OLFML3: variants seen among roughly 807,000 people sequenced by gnomAD.
OLFML3 encodes the protein olfactomedin like 3, also known as olfactomedin-like protein 3.
OLFML3 carries 26 observed loss-of-function variants against 36.0 expected under a neutral mutation model. The observed-to-expected ratio is 0.72, with a 90% CI of 0.53 to 1.00. OLFML3 has a LOEUF of 1.00. OLFML3 is among the 50% of genes least tolerant of loss of function. The pLI, the probability that OLFML3 is intolerant of heterozygous loss-of-function variation, is 0.00. For missense variants in OLFML3, 503 were observed against 519.4 expected, an observed-to-expected ratio of 0.97 and a Z score of 0.31; for synonymous variants, 184 against 201.2, an observed-to-expected ratio of 0.91 and a Z score of 0.72.
rs1469769110 is a variant in OLFML3, at chr1:113,982,237, A to G, written c.*468A>G. The stretch of plus-strand genomic sequence containing the variant: ...TTTGTATTGCAACATTTTGCATTAA[A>G]AGGAAAATCCACTGCTCCTCTCCTG... On this transcript the variant is annotated 3_prime_UTR_variant, in exon 3 of 3. Transcript: ENST00000320334. The G allele has an allele frequency of 1.1e-5, 2 of 183,398 alleles. No individual in the cohort carries two copies. Among genetic ancestry groups the G allele is most frequent in the African/African-American group, 4.8e-5 (2 of 41,634 alleles). The allele number at this position is 183,398 out of a possible 1,614,324, so 11.4% of individuals were successfully genotyped here. A position where few individuals can be genotyped will look rare whatever the true frequency, so the allele number is the denominator to read the frequency against.
rs771489208 is a variant in OLFML3 at position 113,979,489 on chromosome 1, C to G, written c.-28C>G. ...GGAAGAGGCTGACTGTACGTTCCTT[C>G]TACTCTGGCACCACTCTCCAGGCTG... On this transcript the variant is annotated 5_prime_UTR_variant, in exon 1 of 3. Coordinates refer to ENST00000320334, the MANE Select transcript of OLFML3 (RefSeq NM_020190.5). 2.0e-6 allele frequency: 3 copies of G among 1,516,236 alleles called. No individual in the cohort carries two copies. The highest frequency in any genetic ancestry group is 2.7e-6 in the Non-Finnish European group (3 of 1,091,036). The allele number at this position is 1,516,236 out of a possible 1,614,324, so 93.9% of individuals were successfully genotyped here.
chr1:113,981,287 G>GC lies in OLFML3; in HGVS notation c.740dup (p.Asn248LysfsTer32), dbSNP rs760320881. ...TTTGCAGCTAATCAAATTCCACCTG[G>GC]CAAACCGAACAGTGGTGGACAGCTC... On this transcript the variant is annotated frameshift_variant, in exon 3 of 3. Transcript: ENST00000320334. LOFTEE classifies it high-confidence loss of function. 6.2e-7 allele frequency: 1 copy of GC among 1,605,228 alleles called. No homozygotes were observed. The highest frequency in any genetic ancestry group is 8.5e-7 in the Non-Finnish European group (1 of 1,175,032).
At chr1:113,980,240 CTT>C (rs1264356371) in intron 1 of OLFML3, 90 bp from the exon 2 acceptor site, 1 of 1,523,952 alleles carries the variant, frequency 6.6e-7, no homozygotes, top group Non-Finnish European at 8.8e-7. Flanking sequence ...TGAGTTTGCT[CTT>C]TTTTTCCCAT....
rs1558160350 is a variant in OLFML3 at position 113,981,549 on chromosome 1, T to C, written c.1001T>C (p.Val334Ala). Reference protein sequence around the residue: ...AFVICGTLYVVYNTRPASRAR... With the variant: ...AFVICGTLYVAYNTRPASRAR... ...GTCATCTGTGGGACCCTCTATGTCG[T>C]CTATAACACCCGTCCTGCCAGTCGG... The change falls in exon 3 of 3, where the codon GTC (valine) becomes GCC (alanine). Residue 334 changes from valine to alanine, a missense_variant. Physicochemically the swap from Val to Ala is moderately conservative, Grantham distance 64. Transcript: ENST00000320334. 1 of 1,613,914 alleles carries C rather than the reference T, an allele frequency of 6.2e-7. No homozygotes were observed.
In OLFML3 at chr1:113,981,009, C is replaced by T; in HGVS notation, c.461C>T (p.Pro154Leu). 6.4e-7 allele frequency: 1 copy of T among 1,557,244 alleles called. No homozygotes were observed. The highest frequency in any genetic ancestry group is 1.2e-5 in the South Asian group (1 of 81,414). ...SMKILKRFGG[P>L]AGLWTKDPLG... ...AAGATTCTGAAGCGATTTGGTGGCC[C>T]AGCTGGTCTATGGACCAAGGATCCA... is the stretch of plus-strand genomic sequence containing the variant. Residue 154 changes from proline to leucine, a missense_variant, in exon 3 of 3, where the codon CCA (proline) becomes CTA (leucine). Coordinates refer to ENST00000320334, the MANE Select transcript of OLFML3 (RefSeq NM_020190.5).
Position 113,982,062 on chromosome 1 carries a change from T to G in OLFML3, c.*293T>G, listed in dbSNP as rs541644206. The G allele has an allele frequency of 4.5e-4, 186 of 414,916 alleles. 2 individuals are homozygous for G. Among genetic ancestry groups the G allele is most frequent in the African/African-American group, 3.7e-3 (180 of 49,018 alleles). The allele number at this position is 414,916 out of a possible 1,614,324, so 25.7% of individuals were successfully genotyped here. Reference sequence around the variant, plus strand: ...TGCCCCAGACCCAGGGCTCTAACCTTGTATGCGGGCAGGCCCAGGGAGCAG... The same window carrying G: ...TGCCCCAGACCCAGGGCTCTAACCTGGTATGCGGGCAGGCCCAGGGAGCAG... On this transcript the variant is annotated 3_prime_UTR_variant, in exon 3 of 3. Coordinates refer to ENST00000320334, the MANE Select transcript of OLFML3 (RefSeq NM_020190.5).
Position 113,980,567 on chromosome 1 carries a change from C to T in OLFML3, c.350C>T (p.Pro117Leu), listed in dbSNP as rs1332491886. 1 of 1,611,998 alleles carries T rather than the reference C, an allele frequency of 6.2e-7. No individual in the cohort carries two copies. Among genetic ancestry groups the T allele is most frequent in the Non-Finnish European group, 8.5e-7 (1 of 1,179,194 alleles). Residue 117 changes from proline (P) to leucine (L), a missense_variant, in exon 2 of 3, where the codon CCT becomes CTT. Pro to Leu is a moderately conservative substitution (Grantham distance 98). Coordinates refer to ENST00000320334, the MANE Select transcript of OLFML3 (RefSeq NM_020190.5). ...VEFDEKVTGG[P>L]GTKGKGRRNE... is the part of the protein sequence containing the mutation. ...TTTGATGAGAAGGTGACTGGAGGCC[C>T]TGGGACCAAAGGCAAGGGAAGAAGG... is the stretch of plus-strand genomic sequence containing the variant.
At chr1:113,979,794 C>A (rs1673338246) in intron 1 of OLFML3, among the ~76,000 whole-genome samples, 164 bp downstream of exon 1, 1 of 152,200 alleles carries the variant, frequency 6.6e-6, no homozygotes, top group African/African-American at 2.4e-5. Flanking sequence ...CCTCCTCTTA[C>A]CCCACATAGA....
At position 113,981,123 on chromosome 1, in the gene OLFML3, C is replaced by G; in HGVS notation, c.575C>G (p.Ala192Gly). The G allele has an allele frequency of 6.2e-7, 1 of 1,614,106 alleles. No homozygotes were observed. Among genetic ancestry groups the G allele is most frequent in the Non-Finnish European group, 8.5e-7 (1 of 1,179,984 alleles). Residue 192 changes from alanine (A) to glycine (G), a missense_variant, in exon 3 of 3, where the codon GCC becomes GGC. Ala to Gly is a moderately conservative substitution (Grantham distance 60, BLOSUM62 0). Transcript: ENST00000320334. The stretch of plus-strand genomic sequence containing the variant: ...CCAAGGCTGCGTGACTTCACCCTTG[C>G]CATGGCTGCCCGGAAAGCTTCCCGA... ...VFPRLRDFTLAMAARKASRVR... is the reference protein window; with the variant it reads ...VFPRLRDFTLGMAARKASRVR...
chr1:113,981,880 C>A lies in OLFML3; in HGVS notation c.*111C>A. The A allele has an allele frequency of 1.0e-6, 1 of 987,398 alleles. No homozygotes were observed. Among genetic ancestry groups the A allele is most frequent in the Non-Finnish European group, 1.5e-6 (1 of 669,314 alleles). The allele number at this position is 987,398 out of a possible 1,614,324, so 61.2% of individuals were successfully genotyped here. A position where few individuals can be genotyped will look rare whatever the true frequency, so the allele number is the denominator to read the frequency against. On this transcript the variant is annotated 3_prime_UTR_variant, in exon 3 of 3. Coordinates refer to ENST00000320334, the MANE Select transcript of OLFML3 (RefSeq NM_020190.5). The stretch of plus-strand genomic sequence containing the variant: ...ATGTGGGCCAGTTGTGGCTCAAATC[C>A]TCTATATTTTTAGCCAATGGCAATC...
intron 1 of OLFML3, chr1:113,979,876 CG>C: frequency 2.3e-6 from 3 of 1,313,438 alleles, no homozygotes; most frequent in Non-Finnish European, 2.0e-6. Context: ...AGAGTGGAAA[CG>C]AGAGCCAAAA....
rs1673323885 is a variant in OLFML3, at chr1:113,979,555, G to A, written c.39G>A (p.Leu13=). ...CCCCTCTCCTCATCTTGTTCCTTTT[G>A]TCATGGTCGGGACCCCTCCAAGGAC... ...PSTPLLILFL[L]SWSGPLQGQQ... is the part of the protein sequence containing the mutation. The change falls in exon 1 of 3, where the codon TTG becomes TTA. Residue 13 remains leucine, a synonymous_variant. Coordinates refer to ENST00000320334, the MANE Select transcript of OLFML3 (RefSeq NM_020190.5). 6.2e-7 allele frequency: 1 copy of A among 1,614,088 alleles called. No individual in the cohort carries two copies. Among genetic ancestry groups the A allele is most frequent in the Non-Finnish European group, 8.5e-7 (1 of 1,179,994 alleles).
intron 2 of OLFML3, 61 bp from the exon 3 acceptor site, chr1:113,980,888 G>A: frequency 1.4e-6 from 2 of 1,387,056 alleles, no homozygotes; most frequent in South Asian, 1.5e-5. Context: ...CCCTGGGGGA[G>A]TTCCTGCTGG....
At chr1:113,979,671 T>A in intron 1 of OLFML3, 41 bp downstream of exon 1, 1 of 1,387,424 alleles carries the variant, frequency 7.2e-7, no homozygotes, top group Admixed American at 1.7e-5. Context: ...CTAGAAGGAT[T>A]CCAGGGCTAT....
At position 113,980,374 on chromosome 1, in the gene OLFML3, G is replaced by C. The variant is rs1460157890; in HGVS notation, c.157G>C (p.Ala53Pro). The stretch of plus-strand genomic sequence containing the variant: ...CCAGGACCAGAGTAGTCGGCATGCT[G>C]CTGAGCTGCGGGACTTCAAGAACAA... ...QCQDQSSRHA[A>P]ELRDFKNKML... The change falls in exon 2 of 3, where the codon GCT becomes CCT. Residue 53 changes from alanine (A) to proline (P), a missense_variant. Ala to Pro is a conservative substitution (Grantham distance 27). Coordinates refer to ENST00000320334, the MANE Select transcript of OLFML3 (RefSeq NM_020190.5). The C allele has an allele frequency of 6.3e-7, 1 of 1,591,904 alleles. No homozygotes were observed. The highest frequency in any genetic ancestry group is 2.2e-5 in the East Asian group (1 of 44,818).
Position 113,981,348 on chromosome 1 carries a change from G to C in OLFML3, c.800G>C (p.Gly267Ala). ...GCAGAGGGGCTGATCCCCCCCTACG[G>C]CTTGACAGCAGACACCTACATCGAC... ...FPAEGLIPPY[G>A]LTADTYIDLA... The change falls in exon 3 of 3, where the codon GGC becomes GCC. Residue 267 changes from glycine to alanine, a missense_variant. Coordinates refer to ENST00000320334, the MANE Select transcript of OLFML3 (RefSeq NM_020190.5). 6.2e-7 allele frequency: 1 copy of C among 1,603,194 alleles called. No homozygotes were observed. The highest frequency in any genetic ancestry group is 8.5e-7 in the Non-Finnish European group (1 of 1,174,100).
rs1673428644 is a variant in OLFML3 at position 113,981,886 on chromosome 1, AT to A, written c.*122del. On this transcript the variant is annotated 3_prime_UTR_variant, in exon 3 of 3. Coordinates refer to ENST00000320334, the MANE Select transcript of OLFML3 (RefSeq NM_020190.5). ...GCCAGTTGTGGCTCAAATCCTCTATATTTTTAGCCAATGGCAATCAAATTCT... is the reference window on the plus strand; with the variant it reads ...GCCAGTTGTGGCTCAAATCCTCTATATTTTAGCCAATGGCAATCAAATTCT... The A allele has an allele frequency of 2.2e-6, 2 of 899,088 alleles. No homozygotes were observed. The highest frequency in any genetic ancestry group is 1.7e-6 in the Non-Finnish European group (1 of 593,256). The allele number at this position is 899,088 out of a possible 1,614,324, so 55.7% of individuals were successfully genotyped here. A position where few individuals can be genotyped will look rare whatever the true frequency, so the allele number is the denominator to read the frequency against.
At position 113,980,157 on chromosome 1, in the gene OLFML3, C is replaced by T. The variant is rs765010412; in HGVS notation, c.115-175C>T. 3.9e-6 allele frequency: 6 copies of T among 1,538,416 alleles called. No individual in the cohort carries two copies. The East Asian group carries it at 9.8e-5, about 25-fold the overall frequency. On this transcript the variant is annotated intron_variant, in intron 1 of 2. Coordinates refer to ENST00000320334, the MANE Select transcript of OLFML3 (RefSeq NM_020190.5). ...GGCCTAGGTGAATCTCAGCTAGGCT[C>T]TTTGCACATTTAGCACCTCTGCACA...
Position 113,981,433 on chromosome 1 carries a change from C to T in OLFML3, c.885C>T (p.His295=), listed in dbSNP as rs139015983. Residue 295 remains histidine (H), a synonymous_variant, in exon 3 of 3, where the codon CAC becomes CAT. Transcript: ENST00000320334. The part of the protein sequence containing the change: ...AVYATREDDR[H]LCLAKLDPQT... The stretch of plus-strand genomic sequence containing the variant: ...ATGCCACCCGGGAGGATGACAGGCA[C>T]TTGTGTCTGGCCAAGTTAGATCCAC... The T allele has an allele frequency of 1.2e-6, 2 of 1,613,164 alleles. No individual in the cohort carries two copies. Among genetic ancestry groups the T allele is most frequent in the Non-Finnish European group, 1.7e-6 (2 of 1,179,558 alleles).
Sources: gnomAD v4.1 joint callset for allele counts (sites outside exome capture counted in the v4.1 genomes callset) on GRCh38, gnomAD v4.1.1 for gene constraint, MANE v1.5 for transcripts, NCBI Gene and HGNC (gene_info 2026-07-23, HGNC 2026-07-21) for gene names.